Variants in CCDC7 observed in about 807,000 individuals in gnomAD.
CCDC7 encodes the protein coiled-coil domain containing 7.
A neutral mutation model predicts 196.9 loss-of-function variants in CCDC7; 183 were observed. The ratio of observed to expected loss-of-function variants is 0.93; its 90% CI spans 0.82 to 1.05. The LOEUF is 1.05. CCDC7 is among the 50% of genes least tolerant of loss of function. The probability of loss-of-function intolerance (pLI) is 0.00; values close to 1 mark genes in which losing one functional copy is unlikely to be tolerated. For synonymous variants in CCDC7, 525 were observed against 484.6 expected (o/e 1.08, Z -1.10); for missense variants, 1,540 against 1,482.2 (o/e 1.04, Z -0.64).
At position 32,557,038 on chromosome 10, in the gene CCDC7, C is replaced by T. The variant is rs151331254; in HGVS notation, c.1135-8520C>T. 6.0e-3 allele frequency among the ~76,000 whole-genome samples: 906 copies of T among 152,230 alleles called. 9 individuals carry two copies. The highest frequency in any genetic ancestry group is 0.021 in the African/African-American group (862 of 41,544). On this transcript the variant is annotated intron_variant, in intron 13 of 41. Transcript: ENST00000639629. Reference sequence around the variant, plus strand: ...AGGTTTACTTTTGTTCCCATTATCACGTGCTTTTGTTTTATAGATGCTGTG... The same window carrying T: ...AGGTTTACTTTTGTTCCCATTATCATGTGCTTTTGTTTTATAGATGCTGTG...
At chr10:32,634,362 A>G in exon 19 of CCDC7, 20 of 1,097,310 alleles carry the variant, frequency 1.8e-5, no homozygotes, top group Non-Finnish European at 2.3e-5. Flanking sequence ...GAAAGACATG[A>G]GGGTAAGTAT....
chr10:32,585,475 A>G (rs2059176641), intron 18 of CCDC7, among the ~76,000 whole-genome samples: 1 of 152,124 alleles, frequency 6.6e-6, no homozygotes, highest in Non-Finnish European at 1.5e-5. Context: ...TGCTGCACCC[A>G]TCAACCCGTC....
chr10:32,565,393 A>G (rs1342212732), intron 13 of CCDC7, among the ~76,000 whole-genome samples, 165 bp from the exon 15 acceptor site: 2 of 152,232 alleles, frequency 1.3e-5, no homozygotes, highest in Non-Finnish European at 2.9e-5. Context: ...AGGAAGCTTT[A>G]GCTTCAGGTA....
At chr10:32,822,154 C>A (rs968001305) in intron 31 of CCDC7, among the ~76,000 whole-genome samples, 1 of 152,166 alleles carries the variant, frequency 6.6e-6, no homozygotes. Flanking sequence ...CAGGCTAAAG[C>A]TGACCTCTGA....
intron 9 of CCDC7, among the ~76,000 whole-genome samples, chr10:32,494,546 G>T (rs1219740309): frequency 6.6e-6 from 1 of 151,910 alleles, no homozygotes; most frequent in African/African-American, 2.4e-5. Context: ...CCCTCCTCTA[G>T]GCCCCCACCT....
chr10:32,710,544 C>G (rs2080650693), intron 24 of CCDC7, among the ~76,000 whole-genome samples: 1 of 152,186 alleles, frequency 6.6e-6, no homozygotes, highest in Non-Finnish European at 1.5e-5. Flanking sequence ...TGGTGTCCCT[C>G]AGAACCAAAA....
intron 18 of CCDC7, among the ~76,000 whole-genome samples, chr10:32,592,827 G>A (rs2059911467): frequency 6.6e-6 from 1 of 152,102 alleles, no homozygotes; most frequent in African/African-American, 2.4e-5. Flanking sequence ...GCAATAGTTT[G>A]CTGAAAATGA....
chr10:32,616,225 T>C (rs1406010541), intron 18 of CCDC7, among the ~76,000 whole-genome samples: 1 of 152,060 alleles, frequency 6.6e-6, no homozygotes, highest in African/African-American at 2.4e-5. Flanking sequence ...AGAGGTTGTG[T>C]TCAATCTGCT....
intron 24 of CCDC7, among the ~76,000 whole-genome samples, chr10:32,705,155 C>T (rs563374819): frequency 6.6e-6 from 1 of 151,084 alleles, no homozygotes; most frequent in Non-Finnish European, 1.5e-5. Flanking sequence ...ATCTTGGCTC[C>T]CCAATATTAA....
chr10:32,458,443 T>C (rs2034833881), intron 3 of CCDC7, among the ~76,000 whole-genome samples: 1 of 150,120 alleles, frequency 6.7e-6, no homozygotes, highest in African/African-American at 2.5e-5. Flanking sequence ...GAAGAGTATG[T>C]TGTGTGTGTG....
intron 13 of CCDC7, among the ~76,000 whole-genome samples, chr10:32,561,963 G>C (rs7906350): frequency 0.92 from 139,905 of 152,110 alleles, 65,320 homozygotes; most frequent in East Asian, 1. Flanking sequence ...AAATGATAAA[G>C]GGGATATCAC....
At chr10:32,639,031 G>A (rs1344622018) in intron 20 of CCDC7, among the ~76,000 whole-genome samples, 4 of 152,206 alleles carry the variant, frequency 2.6e-5, no homozygotes, top group African/African-American at 9.7e-5. Flanking sequence ...GATGTGTATA[G>A]TATTCTCTGA....
In CCDC7 at chr10:32,757,969, C is replaced by T. The variant is rs569857870; in HGVS notation, c.2906-21008C>T. Among the ~76,000 whole-genome samples, 15 of 152,278 alleles carry T rather than the reference C, an allele frequency of 9.9e-5. No homozygotes were observed. In the East Asian group the frequency reaches 2.7e-3, roughly 27 times the overall value. Reference sequence around the variant, plus strand: ...AAGTACCATCAGAGAATACTATAAACATCTCTACACAAATAAACTAGAAAA... The same window carrying T: ...AAGTACCATCAGAGAATACTATAAATATCTCTACACAAATAAACTAGAAAA... On this transcript the variant is annotated intron_variant, in intron 28 of 41. Coordinates refer to ENST00000639629, the Ensembl canonical transcript of CCDC7.
At chr10:32,700,067 A>G (rs966502637) in intron 24 of CCDC7, among the ~76,000 whole-genome samples, 3 of 149,186 alleles carry the variant, frequency 2.0e-5, no homozygotes, top group Non-Finnish European at 2.9e-5. Flanking sequence ...AATTAGATCC[A>G]ATTTGTCAAT....
At chr10:32,459,280 G>A (rs1203339230) in intron 3 of CCDC7, among the ~76,000 whole-genome samples, 1 of 152,040 alleles carries the variant, frequency 6.6e-6, no homozygotes, top group East Asian at 1.9e-4. Flanking sequence ...TCTTCCCTAG[G>A]AGAGTTCTGA....
At chr10:32,868,693 T>A (rs2094304331) in intron 41 of CCDC7, among the ~76,000 whole-genome samples, 1 of 151,574 alleles carries the variant, frequency 6.6e-6, no homozygotes, top group South Asian at 2.1e-4. Flanking sequence ...ACATTAGGTA[T>A]ATCTCCTAAT....
chr10:32,624,343 A>G (rs926856396), intron 18 of CCDC7, among the ~76,000 whole-genome samples: 6 of 152,162 alleles, frequency 3.9e-5, no homozygotes, highest in Non-Finnish European at 4.4e-5. Flanking sequence ...ACCACTTTCC[A>G]AAGAGCTGCA....
chr10:32,828,546 G>T (rs976007437), intron 32 of CCDC7, among the ~76,000 whole-genome samples: 39 of 147,390 alleles, frequency 2.6e-4, no homozygotes, highest in African/African-American at 9.1e-4. Flanking sequence ...AGAAGAAGAA[G>T]AAGAAGAAGA....
At chr10:32,506,124 G>A (rs12778844) in intron 9 of CCDC7, among the ~76,000 whole-genome samples, 9,323 of 146,168 alleles carry the variant, frequency 0.064, 396 homozygotes, top group South Asian at 0.11. Flanking sequence ...AGGCAGAGGC[G>A]CTGCTCACTT....
Sources: gnomAD v4.1 joint callset for allele counts (sites outside exome capture counted in the v4.1 genomes callset) on GRCh38, gnomAD v4.1.1 for gene constraint, MANE v1.5 for transcripts, NCBI Gene and HGNC (gene_info 2026-07-23, HGNC 2026-07-21) for gene names.